The following MTDH variants were observed in gnomAD, a reference collection of about 807,000 sequenced individuals.
MTDH encodes protein LYRIC.
Under a neutral mutation model 72.7 loss-of-function variants are expected in MTDH, and 34 were observed. That is an observed-to-expected ratio of 0.47 (90% confidence interval 0.36 to 0.62). MTDH has a LOEUF of 0.62. Among genes scored for constraint, MTDH ranks in the 20% least tolerant of loss-of-function variants. MTDH has a pLI of 0.00. For synonymous variants in MTDH, 266 were observed against 268.9 expected, an observed-to-expected ratio of 0.99 and a Z score of 0.10; for missense variants, 677 against 699.4, an observed-to-expected ratio of 0.97 and a Z score of 0.36.
intron 2 of MTDH, among the ~76,000 whole-genome samples, chr8:97,675,315 C>G (rs1812791115): frequency 6.6e-6 from 1 of 151,876 alleles, no homozygotes; most frequent in African/African-American, 2.4e-5. Flanking sequence ...AATCCCAGCA[C>G]TTTGGGAGGC....
intron 2 of MTDH, among the ~76,000 whole-genome samples, chr8:97,681,772 A>G (rs1454565464): frequency 2.0e-5 from 3 of 152,024 alleles, no homozygotes; most frequent in Non-Finnish European, 4.4e-5. Context: ...GATTACAGGC[A>G]TGAGCCACCG....
At chr8:97,683,017 C>T (rs145123441) in intron 2 of MTDH, among the ~76,000 whole-genome samples, 341 of 140,596 alleles carry the variant, frequency 2.4e-3, no homozygotes, top group African/African-American at 8.8e-3. Context: ...CCTAGTTTCA[C>T]CACTTTACCC....
At chr8:97,679,744 C>T (rs993937927) in intron 2 of MTDH, among the ~76,000 whole-genome samples, 2 of 152,116 alleles carry the variant, frequency 1.3e-5, no homozygotes, top group African/African-American at 4.8e-5. Context: ...GGTATATGCT[C>T]AATTTTTTCC....
chr8:97,690,806 T>G, intron 5 of MTDH, 146 bp from the exon 6 acceptor site: 1 of 623,252 alleles, frequency 1.6e-6, no homozygotes, highest in Non-Finnish European at 2.7e-6. Context: ...GCCTCCTGTT[T>G]TTAAATTAAG....
intron 7 of MTDH, among the ~76,000 whole-genome samples, chr8:97,704,621 A>T (rs1359922412): frequency 1.3e-5 from 2 of 151,486 alleles, no homozygotes; most frequent in Admixed American, 6.6e-5. Context: ...AAACTAAGAA[A>T]ATATATATAT....
intron 2 of MTDH, among the ~76,000 whole-genome samples, chr8:97,668,459 A>G (rs1333763896): frequency 1.5e-4 from 23 of 152,130 alleles, no homozygotes; most frequent in Admixed American, 1.4e-3. Context: ...GCCAAAAAAA[A>G]AGAAAGAAAA....
At chr8:97,668,010 A>T (rs906582630) in intron 2 of MTDH, among the ~76,000 whole-genome samples, 1 of 151,586 alleles carries the variant, frequency 6.6e-6, no homozygotes, top group African/African-American at 2.4e-5. Context: ...ATCTACCGCC[A>T]GGCGCGGTGG....
At chr8:97,697,446 C>G (rs1173294438) in intron 6 of MTDH, among the ~76,000 whole-genome samples, 20 of 128,804 alleles carry the variant, frequency 1.6e-4, no homozygotes, top group Non-Finnish European at 4.6e-5. Context: ...AGTGCAGTGG[C>G]GCAATCTCGG....
intron 10 of MTDH, among the ~76,000 whole-genome samples, chr8:97,721,059 A>C (rs994523205): frequency 6.6e-5 from 10 of 152,138 alleles, no homozygotes; most frequent in Non-Finnish European, 1.2e-4. Context: ...AAAGGGGAAA[A>C]GGAGATTAAA....
At chr8:97,693,368 G>A (rs181129720) in intron 6 of MTDH, among the ~76,000 whole-genome samples, 16 of 152,012 alleles carry the variant, frequency 1.1e-4, no homozygotes, top group Admixed American at 5.9e-4. Context: ...ACGGAGTCTC[G>A]CTCTGTCGCC....
intron 6 of MTDH, among the ~76,000 whole-genome samples, chr8:97,696,479 CCT>C (rs2131023184): frequency 6.6e-6 from 1 of 152,284 alleles, no homozygotes; most frequent in African/African-American, 2.4e-5. Flanking sequence ...GCTTAATTCC[CCT>C]CTCTAGGGGA....
chr8:97,718,362 A>G (rs544301514), intron 9 of MTDH, among the ~76,000 whole-genome samples: 1 of 152,208 alleles, frequency 6.6e-6, no homozygotes, highest in African/African-American at 2.4e-5. Flanking sequence ...TTTTGTAGCT[A>G]GACTGTGGCA....
chr8:97,677,373 C>T (rs1249703069), intron 2 of MTDH, among the ~76,000 whole-genome samples: 1 of 151,370 alleles, frequency 6.6e-6, no homozygotes, highest in Non-Finnish European at 1.5e-5. Flanking sequence ...TGCCTGTAGT[C>T]CCAGTTACTC....
chr8:97,665,563 G>T (rs1014869041), intron 2 of MTDH, among the ~76,000 whole-genome samples: 1 of 152,130 alleles, frequency 6.6e-6, no homozygotes, highest in Admixed American at 6.6e-5. Flanking sequence ...TCCTACTTGG[G>T]TAGCCATAAA....
At chr8:97,685,529 C>T (rs553281450) in intron 2 of MTDH, among the ~76,000 whole-genome samples, 65 of 151,888 alleles carry the variant, frequency 4.3e-4, no homozygotes, top group Non-Finnish European at 8.2e-4. Context: ...TGAGAGGCCA[C>T]GGCGGGCAGA....
chr8:97,670,396 AT>A (rs1290408764), intron 2 of MTDH, among the ~76,000 whole-genome samples: 1 of 152,130 alleles, frequency 6.6e-6, no homozygotes, highest in Admixed American at 6.6e-5. Context: ...AGGTGGATGG[AT>A]CATGAGGTCA....
intron 4 of MTDH, 118 bp downstream of exon 4, chr8:97,687,723 A>G: frequency 1.2e-6 from 1 of 852,140 alleles, no homozygotes; most frequent in Non-Finnish European, 1.7e-6. Context: ...TTGTGCTGAT[A>G]TACCCTTCTT....
chr8:97,647,847 G>T (rs1206468504), intron 1 of MTDH, among the ~76,000 whole-genome samples: 2 of 151,862 alleles, frequency 1.3e-5, no homozygotes, highest in Non-Finnish European at 2.9e-5. Flanking sequence ...GGGAGGCACT[G>T]TTGGGAGGAT....
At chr8:97,718,485 T>G (rs1037160205) in intron 9 of MTDH, among the ~76,000 whole-genome samples, 1 of 151,408 alleles carries the variant, frequency 6.6e-6, no homozygotes, top group African/African-American at 2.4e-5. Flanking sequence ...AAGTGAAGTG[T>G]TTTTTGTGGG....
Sources: allele counts gnomAD v4.1 joint callset (sites outside exome capture counted in the v4.1 genomes callset), GRCh38; gene constraint gnomAD v4.1.1; transcripts MANE v1.5; gene names NCBI Gene and HGNC (gene_info 2026-07-23, HGNC 2026-07-21).